LRRC7: variants seen among roughly 807,000 people sequenced by gnomAD.
LRRC7 encodes the protein leucine-rich repeat-containing protein 7.
In LRRC7, 23 loss-of-function variants were observed where a neutral mutation model predicts 175.7. The ratio of observed to expected loss-of-function variants is 0.13; its 90% confidence interval spans 0.09 to 0.19. The LOEUF (loss-of-function observed/expected upper bound fraction) is 0.19, where lower values mean the gene tolerates loss of function less well. Ranked by LOEUF, LRRC7 falls within the 10% of genes least tolerant of loss-of-function variation. LRRC7 has a pLI of 1.00. For missense variants in LRRC7, 1,354 were observed against 1,904.7 expected, an observed-to-expected ratio of 0.71 and a Z score of 5.38; for synonymous variants, 685 against 680.9, an observed-to-expected ratio of 1.01 and a Z score of -0.09.
At chr1:69,927,799 C>G (rs1379409514) in intron 7 of LRRC7, among the ~76,000 whole-genome samples, 1 of 152,084 alleles carries the variant, frequency 6.6e-6, no homozygotes, top group Non-Finnish European at 1.5e-5. Context: ...AAGCCTTCTT[C>G]TCTCAACTCA....
At chr1:69,766,152 G>A (rs961503970) in intron 3 of LRRC7, among the ~76,000 whole-genome samples, 3 of 152,074 alleles carry the variant, frequency 2.0e-5, no homozygotes, top group African/African-American at 7.2e-5. Flanking sequence ...GAAGTTATTT[G>A]TGTTTCCCCC....
chr1:69,824,443 T>C (rs1679658528), intron 4 of LRRC7, among the ~76,000 whole-genome samples: 1 of 152,116 alleles, frequency 6.6e-6, no homozygotes, highest in Non-Finnish European at 1.5e-5. Context: ...TCATACACAA[T>C]GGAGCTCCCA....
At chr1:69,675,789 G>A (rs1053418310) in intron 1 of LRRC7, among the ~76,000 whole-genome samples, 4 of 151,536 alleles carry the variant, frequency 2.6e-5, no homozygotes, top group African/African-American at 4.8e-5. Flanking sequence ...TCTTCACCCC[G>A]CCCCCCACAC....
At chr1:69,802,334 T>C (rs746595837) in intron 4 of LRRC7, among the ~76,000 whole-genome samples, 5 of 151,552 alleles carry the variant, frequency 3.3e-5, no homozygotes, top group Non-Finnish European at 7.4e-5. Context: ...CCCCCACTAT[T>C]ATTGTATTGC....
rs1414213698 is a variant in LRRC7 at position 69,764,718 on chromosome 1, TAGATAGATAGAC to T, written c.303+4337_303+4348del. ...GTGGGTAGGTGGATAGATAGGTAGG[TAGATAGATAGAC>T]AGATAGATAGATAGATAGATAGATA... On this transcript the variant is annotated intron_variant, in intron 3 of 26. Transcript: ENST00000651989. Among the ~76,000 whole-genome samples the T allele has an allele frequency of 6.5e-4, 65 of 100,266 alleles. No homozygotes were observed. The Middle Eastern group carries it at 0.028, about 44-fold the overall frequency. 65.8% of individuals were successfully genotyped at this position (100,266 alleles called of 152,430 possible).
At chr1:69,646,955 A>G (rs1359875269) in intron 1 of LRRC7, among the ~76,000 whole-genome samples, 2 of 152,070 alleles carry the variant, frequency 1.3e-5, no homozygotes, top group African/African-American at 4.8e-5. Context: ...CAGCAACCAC[A>G]TATCAGAGCT....
At chr1:69,818,344 C>T (rs1277831895) in intron 4 of LRRC7, among the ~76,000 whole-genome samples, 3 of 151,918 alleles carry the variant, frequency 2.0e-5, no homozygotes, top group Admixed American at 2.0e-4. Context: ...TTGTTCAATG[C>T]TTTTTTCTGC....
intron 8 of LRRC7, among the ~76,000 whole-genome samples, chr1:69,963,123 G>C (rs1048589442): frequency 2.0e-5 from 3 of 152,002 alleles, no homozygotes; most frequent in Admixed American, 6.6e-5. Flanking sequence ...GGCCAGCCTG[G>C]TGAAAGCCTG....
At chr1:70,115,288 A>T (rs1007646170) in intron 26 of LRRC7, among the ~76,000 whole-genome samples, 1 of 152,192 alleles carries the variant, frequency 6.6e-6, no homozygotes, top group Non-Finnish European at 1.5e-5. Flanking sequence ...CTGCAGAAGC[A>T]TTTTTTGTGT....
intron 8 of LRRC7, 68 bp from the exon 9 acceptor site, chr1:69,980,311 T>A: frequency 8.0e-7 from 1 of 1,247,424 alleles, no homozygotes. Flanking sequence ...TTACATCTTA[T>A]GTTTGTGATA....
intron 23 of LRRC7, among the ~76,000 whole-genome samples, chr1:70,074,690 A>T (rs1662647323): frequency 6.6e-6 from 1 of 152,202 alleles, no homozygotes; most frequent in African/African-American, 2.4e-5. Flanking sequence ...AGTCAATTGG[A>T]CGTCTAAAAT....
chr1:69,646,403 T>C, intron 1 of LRRC7, among the ~76,000 whole-genome samples: 1 of 152,298 alleles, frequency 6.6e-6, no homozygotes, highest in South Asian at 2.1e-4. Flanking sequence ...CAAACAGTTA[T>C]AATAGTATGT....
At chr1:70,042,457 T>A (rs17131151) in intron 21 of LRRC7, among the ~76,000 whole-genome samples, 19,518 of 152,028 alleles carry the variant, frequency 0.13, 1,730 homozygotes, top group African/African-American at 0.24. Context: ...TTGCCTAGAG[T>A]CTTGGACATT....
At chr1:69,967,995 T>C (rs1477613509) in intron 8 of LRRC7, among the ~76,000 whole-genome samples, 1 of 151,940 alleles carries the variant, frequency 6.6e-6, no homozygotes, top group Non-Finnish European at 1.5e-5. Flanking sequence ...GGTTAGTTAT[T>C]AAGCTAATCA....
At chr1:69,622,544 A>G (rs1295898467) in intron 1 of LRRC7, among the ~76,000 whole-genome samples, 1 of 152,220 alleles carries the variant, frequency 6.6e-6, no homozygotes, top group Non-Finnish European at 1.5e-5. Flanking sequence ...TTATATATTG[A>G]CATACAAAGA....
chr1:69,613,872 T>A (rs2100269536), intron 1 of LRRC7, among the ~76,000 whole-genome samples: 1 of 152,056 alleles, frequency 6.6e-6, no homozygotes, highest in East Asian at 1.9e-4. Context: ...AGGTTACACT[T>A]GCAGAATAAA....
Position 70,132,447 on chromosome 1 carries a change from CTTTTCTTTTCTTTTTT to C in LRRC7, c.*10565_*10580del. On this transcript the variant is annotated 3_prime_UTR_variant, in exon 27 of 27. Transcript: ENST00000651989. Reference sequence around the variant, plus strand: ...CCAGAGTACTTTTCTTTTTTCTTTTCTTTTCTTTTCTTTTTTTTTTTTTTTTTTTTTTTTTTGAGAC... The same window carrying C: ...CCAGAGTACTTTTCTTTTTTCTTTTCTTTTTTTTTTTTTTTTTTTTGAGAC... Among the ~76,000 whole-genome samples, 1 of 69,576 alleles carries C rather than the reference CTTTTCTTTTCTTTTTT, an allele frequency of 1.4e-5. No individual in the cohort carries two copies. Among genetic ancestry groups the C allele is most frequent in the African/African-American group, 6.5e-5 (1 of 15,460 alleles). 45.6% of individuals were successfully genotyped at this position (69,576 alleles called of 152,430 possible).
intron 4 of LRRC7, among the ~76,000 whole-genome samples, chr1:69,799,807 G>A (rs1676247384): frequency 6.6e-6 from 1 of 152,050 alleles, no homozygotes; most frequent in Non-Finnish European, 1.5e-5. Context: ...CTTAAGTCAT[G>A]AATTATTTGC....
rs28537484 is a variant in LRRC7, at chr1:70,125,604, A to G, written c.*3717A>G. ...TCAGGAGATCGAGACCATCCCAGCT[A>G]AAACGGTGAAACCCCGTCTCTACTA... On this transcript the variant is annotated 3_prime_UTR_variant, in exon 27 of 27. Transcript: ENST00000651989. Among the ~76,000 whole-genome samples, 13,166 of 151,832 alleles carry G rather than the reference A, an allele frequency of 0.087. 681 individuals carry two copies. Among genetic ancestry groups the G allele is most frequent in the South Asian group, 0.19 (892 of 4,798 alleles).
Sources: allele counts gnomAD v4.1 joint callset (sites outside exome capture counted in the v4.1 genomes callset), GRCh38; gene constraint gnomAD v4.1.1; transcripts MANE v1.5; gene names NCBI Gene and HGNC (gene_info 2026-07-23, HGNC 2026-07-21).